Variants in C16orf96 observed in about 807,000 individuals in gnomAD.
The protein encoded by C16orf96 is chromosome 16 open reading frame 96.
In C16orf96, 108 loss-of-function variants were observed where a neutral mutation model predicts 103.6. The observed-to-expected ratio is 1.04, with a 90% CI of 0.89 to 1.22. The LOEUF is 1.22. C16orf96 is among the 50% of genes most tolerant of loss of function. The pLI is 0.00. For missense variants in C16orf96, 1,586 were observed against 1,464.2 expected (o/e 1.08, Z -1.36); for synonymous variants, 566 against 593.5 (o/e 0.95, Z 0.67).
At chr16:4,546,725 C>T in the C16orf96 span, among the ~76,000 whole-genome samples, 1 of 152,046 alleles carries the variant, frequency 6.6e-6, no homozygotes, top group Admixed American at 6.6e-5. Context: ...CTTAGTTAGC[C>T]TCCTAAAGTG....
At chr16:4,544,214 T>G in the C16orf96 span, among the ~76,000 whole-genome samples, 1 of 152,024 alleles carries the variant, frequency 6.6e-6, no homozygotes, top group Non-Finnish European at 1.5e-5. Flanking sequence ...GCCCACTGAG[T>G]AGCGGAGGGT....
Position 4,599,297 on chromosome 16 carries a change from A to T in C16orf96, c.3141A>T (p.Pro1047=). ...TTTTCTGCTAAGCTGTGAAGGCTCC[A>T]TCTCCCCCGTCACAAAGCCTGTATG... is the stretch of plus-strand genomic sequence containing the variant. The part of the protein sequence containing the change: ...VAKELAAVKA[P]SPPSQSLYDR... The change falls in exon 15 of 16, where the codon CCA becomes CCT. Residue 1047 remains proline, a synonymous_variant. Coordinates refer to ENST00000444310, the MANE Select transcript of C16orf96 (RefSeq NM_001145011.2). 6.4e-7 allele frequency: 1 copy of T among 1,551,510 alleles called. No homozygotes were observed. Among genetic ancestry groups the T allele is most frequent in the South Asian group, 1.2e-5 (1 of 84,048 alleles).
chr16:4,591,079 T>C (rs1291922334), intron 9 of C16orf96, among the ~76,000 whole-genome samples: 1 of 151,894 alleles, frequency 6.6e-6, no homozygotes, highest in Non-Finnish European at 1.5e-5. Context: ...CCCAGCTACT[T>C]GGGAGGCTGA....
At chr16:4,591,613 A>C in intron 9 of C16orf96, 53 bp from the exon 10 acceptor site, 1 of 1,397,430 alleles carries the variant, frequency 7.2e-7, no homozygotes, top group Non-Finnish European at 9.9e-7. Context: ...GGAAGGAGGC[A>C]GGGTGTGAAT....
Position 4,556,568 on chromosome 16 carries a change from C to A in C16orf96, c.79C>A (p.His27Asn). The A allele has an allele frequency of 6.4e-7, 1 of 1,551,690 alleles. No individual in the cohort carries two copies. The highest frequency in any genetic ancestry group is 8.7e-7 in the Non-Finnish European group (1 of 1,146,992). The change falls in exon 1 of 16, where the codon CAC (histidine) becomes AAC (asparagine). Residue 27 changes from histidine (H) to asparagine (N), a missense_variant. Coordinates refer to ENST00000444310, the MANE Select transcript of C16orf96 (RefSeq NM_001145011.2). The part of the protein sequence containing the change: ...QCGVLNFKAL[H>N]LLLHGILEHI... ...CGGGGTGCTGAACTTCAAGGCCCTG[C>A]ACCTCCTGCTGCACGGCATCTTGGA...
intron 1 of C16orf96, among the ~76,000 whole-genome samples, chr16:4,568,817 A>G (rs1253339236): frequency 6.6e-6 from 1 of 150,666 alleles, no homozygotes; most frequent in Admixed American, 6.6e-5. Context: ...TTTTGTAGAG[A>G]TGGGAGACCG....
rs550904631 is a variant in C16orf96 at position 4,556,611 on chromosome 16, A to T, written c.122A>T (p.Glu41Val). The change falls in exon 1 of 16, where the codon GAG becomes GTG. Residue 41 changes from glutamate (E) to valine (V), a missense_variant. Glu to Val is a moderately radical substitution (Grantham distance 121). Coordinates refer to ENST00000444310, the MANE Select transcript of C16orf96 (RefSeq NM_001145011.2). ...ATCTTGGAGCACATCCACATGGCCG[A>T]GCTCAAGAAAGTCCTCTCAGGCGAT... Reference protein sequence around the residue: ...HGILEHIHMAELKKVLSGDED... With the variant: ...HGILEHIHMAVLKKVLSGDED... 6.4e-7 allele frequency: 1 copy of T among 1,551,716 alleles called. No homozygotes were observed. The highest frequency in any genetic ancestry group is 2.4e-5 in the East Asian group (1 of 40,912).
At chr16:4,586,935 C>T in intron 7 of C16orf96, 104 bp from the exon 8 acceptor site, 1 of 1,048,744 alleles carries the variant, frequency 9.5e-7, no homozygotes, top group Non-Finnish European at 1.4e-6. Flanking sequence ...GTCCACACGG[C>T]CTGCTATCCC....
chr16:4,546,140 G>A, the C16orf96 span, among the ~76,000 whole-genome samples: 1 of 149,652 alleles, frequency 6.7e-6, no homozygotes, highest in Admixed American at 6.7e-5. Flanking sequence ...GAGCCACCAT[G>A]CCTAGCCTCT....
upstream of C16orf96, among the ~76,000 whole-genome samples, chr16:4,554,183 C>T (rs915855931): frequency 6.6e-6 from 1 of 152,120 alleles, no homozygotes; most frequent in Admixed American, 6.6e-5. Flanking sequence ...TGGCTCTTGG[C>T]CATGTCCTTA....
At chr16:4,568,812 T>G (rs1157916246) in intron 1 of C16orf96, among the ~76,000 whole-genome samples, 3 of 151,376 alleles carry the variant, frequency 2.0e-5, no homozygotes, top group Non-Finnish European at 2.9e-5. Context: ...TATTTTTTTG[T>G]AGAGATGGGA....
chr16:4,549,451 C>T, the C16orf96 span, among the ~76,000 whole-genome samples: 615 of 142,538 alleles, frequency 4.3e-3, 2 homozygotes, highest in Non-Finnish European at 6.4e-3. Context: ...CCAGCCTGGG[C>T]GACAGAGCAA....
the C16orf96 span, among the ~76,000 whole-genome samples, chr16:4,540,369 A>G: frequency 6.6e-6 from 1 of 152,112 alleles, no homozygotes; most frequent in South Asian, 2.1e-4. Context: ...GCCTTGGGTG[A>G]GAGAGTCAGA....
At chr16:4,588,558 T>G (rs7199114) in intron 9 of C16orf96, among the ~76,000 whole-genome samples, 1 of 152,010 alleles carries the variant, frequency 6.6e-6, no homozygotes, top group Non-Finnish European at 1.5e-5. Flanking sequence ...TTCAAAGAGA[T>G]TCCCTCACAT....
chr16:4,575,717 C>T lies in C16orf96; in HGVS notation c.1237C>T (p.Leu413=). 6.5e-7 allele frequency: 1 copy of T among 1,533,200 alleles called. No individual in the cohort carries two copies. Among genetic ancestry groups the T allele is most frequent in the Non-Finnish European group, 8.8e-7 (1 of 1,138,662 alleles). The allele number at this position is 1,533,200 out of a possible 1,614,324, so 95.0% of individuals were successfully genotyped here. A position where few individuals can be genotyped will look rare whatever the true frequency, so the allele number is the denominator to read the frequency against. Reference sequence around the variant, plus strand: ...TTGGCCTCTGTGGGACTTAGGTGTCCTGCGGCCAACTCAGCCCCAACCCTC... The same window carrying T: ...TTGGCCTCTGTGGGACTTAGGTGTCTTGCGGCCAACTCAGCCCCAACCCTC... ...GSWPLWDLGV[L]RPTQPQPSRA... Residue 413 remains leucine, a synonymous_variant, in exon 5 of 16, where the codon CTG becomes TTG. Coordinates refer to ENST00000444310, the MANE Select transcript of C16orf96 (RefSeq NM_001145011.2).
intron 2 of C16orf96, among the ~76,000 whole-genome samples, chr16:4,572,080 C>T (rs1015088565): frequency 5.9e-5 from 9 of 151,676 alleles, no homozygotes; most frequent in Non-Finnish European, 1.0e-4. Flanking sequence ...GAACTTCTGA[C>T]CTCGTGATCC....
chr16:4,591,517 T>G, intron 9 of C16orf96, 149 bp from the exon 10 acceptor site: 6 of 658,308 alleles, frequency 9.1e-6, no homozygotes, highest in Non-Finnish European at 1.4e-5. Flanking sequence ...CGAAGCTGTG[T>G]CATTTTCCCT....
rs1240047283 is a variant in C16orf96, at chr16:4,588,332, G to T, written c.2592+1G>T. On this transcript the variant is annotated splice_donor_variant, in intron 9 of 15. Coordinates refer to ENST00000444310, the MANE Select transcript of C16orf96 (RefSeq NM_001145011.2). LOFTEE classifies it high-confidence loss of function. ...GCTCAGCAAGGACGTGAACACCAAG[G>T]TGAATGCCCCCATGTTGATTTTCAC... 1.9e-6 allele frequency: 3 copies of T among 1,547,374 alleles called. No individual in the cohort carries two copies. The highest frequency in any genetic ancestry group is 4.9e-5 in the East Asian group (2 of 40,786).
At chr16:4,547,964 A>G in the C16orf96 span, among the ~76,000 whole-genome samples, 1 of 151,854 alleles carries the variant, frequency 6.6e-6, no homozygotes, top group Non-Finnish European at 1.5e-5. Context: ...GGGTAATGAA[A>G]TGTTCTAAAA....
Sources: gnomAD v4.1 joint callset for allele counts (sites outside exome capture counted in the v4.1 genomes callset) on GRCh38, gnomAD v4.1.1 for gene constraint, MANE v1.5 for transcripts, NCBI Gene and HGNC (gene_info 2026-07-23, HGNC 2026-07-21) for gene names.